The following NFIB variants were observed in gnomAD, a reference collection of about 807,000 sequenced individuals.
The protein encoded by NFIB is nuclear factor 1 B-type.
NFIB carries 11 observed loss-of-function variants against 61.5 expected under a neutral mutation model. The observed-to-expected ratio is 0.18, with a 90% confidence interval of 0.11 to 0.30. The LOEUF is 0.30. NFIB is among the 10% of genes least tolerant of loss of function. The pLI is 1.00. For synonymous variants in NFIB, 260 were observed against 216.5 expected (o/e 1.20, Z -1.76); for missense variants, 471 against 608.9 (o/e 0.77, Z 2.38).
At chr9:14,172,511 T>A (rs1587291708) in intron 3 of NFIB, among the ~76,000 whole-genome samples, 1 of 152,180 alleles carries the variant, frequency 6.6e-6, no homozygotes, top group African/African-American at 2.4e-5. Flanking sequence ...AAAAAAGTAA[T>A]CTCTAAAGAT....
intron 1 of NFIB, among the ~76,000 whole-genome samples, chr9:14,355,559 C>A (rs570422146): frequency 4.6e-5 from 7 of 152,322 alleles, no homozygotes; most frequent in African/African-American, 1.7e-4. Context: ...TTTGAAGAAT[C>A]TTTTGCTTTT....
At chr9:14,231,147 T>A (rs1211062316) in intron 2 of NFIB, among the ~76,000 whole-genome samples, 9 of 135,616 alleles carry the variant, frequency 6.6e-5, no homozygotes, top group African/African-American at 1.7e-4. Flanking sequence ...TATATATATA[T>A]ATATATATAT....
chr9:14,283,807 C>A (rs556105409), intron 2 of NFIB, among the ~76,000 whole-genome samples: 1 of 152,324 alleles, frequency 6.6e-6, no homozygotes, highest in Non-Finnish European at 1.5e-5. Context: ...GTAGGACAAA[C>A]AGATGCACAT....
the NFIB span, among the ~76,000 whole-genome samples, chr9:14,524,518 C>T: frequency 6.6e-6 from 1 of 152,060 alleles, no homozygotes; most frequent in Non-Finnish European, 1.5e-5. Context: ...TTTTGTGGTA[C>T]AAGCTAAGGT....
At chr9:14,255,242 G>A (rs2132173149) in intron 2 of NFIB, among the ~76,000 whole-genome samples, 1 of 152,116 alleles carries the variant, frequency 6.6e-6, no homozygotes, top group South Asian at 2.1e-4. Flanking sequence ...AAGAAAGAAA[G>A]AAAAAAGAAA....
At chr9:14,265,880 G>T (rs2057159127) in intron 2 of NFIB, among the ~76,000 whole-genome samples, 1 of 152,176 alleles carries the variant, frequency 6.6e-6, no homozygotes, top group South Asian at 2.1e-4. Flanking sequence ...GAAGTAGAAA[G>T]TACTACAAGA....
Position 14,146,715 on chromosome 9 carries a change from C to T in NFIB, c.899G>A (p.Ser300Asn), listed in dbSNP as rs144909299. The T allele has an allele frequency of 4.0e-4, 647 of 1,612,720 alleles. No homozygotes were observed. The highest frequency in any genetic ancestry group is 5.1e-4 in the Non-Finnish European group (597 of 1,179,490). Residue 300 changes from serine to asparagine, a missense_variant, in exon 6 of 11, where the codon AGT becomes AAT. This residue lies in a region of NFIB where 372 missense variants were observed against 395.6 expected (regional missense o/e 0.94). Transcript: ENST00000380953. ...YPSPSSPAAG[S>N]RTWHERDQDM... ...TTGATCTCTTTCGTGCCATGTTCGA[C>T]TTCCAGCAGCTGGTGAACTTGGAGA...
the NFIB span, among the ~76,000 whole-genome samples, chr9:14,492,179 C>T: frequency 2.0e-5 from 3 of 151,946 alleles, no homozygotes; most frequent in African/African-American, 7.3e-5. Flanking sequence ...CTGGATAACA[C>T]AGTGAAACCC....
intron 6 of NFIB, among the ~76,000 whole-genome samples, chr9:14,134,814 C>T (rs528923431): frequency 1.4e-5 from 2 of 144,608 alleles, no homozygotes; most frequent in East Asian, 4.5e-4. Context: ...GGAAGAGTTG[C>T]TTGAACCAGG....
intron 2 of NFIB, among the ~76,000 whole-genome samples, chr9:14,231,120 GAA>G (rs1188458970): frequency 6.7e-4 from 44 of 65,794 alleles, no homozygotes; most frequent in African/African-American, 1.3e-3. Flanking sequence ...TTTCCATGGG[GAA>G]AAAAAAAAAA....
At chr9:14,458,343 A>G in the NFIB span, among the ~76,000 whole-genome samples, 1 of 152,220 alleles carries the variant, frequency 6.6e-6, no homozygotes, top group Non-Finnish European at 1.5e-5. Flanking sequence ...CTCTCAATAA[A>G]TTAGGTATTG....
At chr9:14,284,544 T>C (rs1217811151) in intron 2 of NFIB, among the ~76,000 whole-genome samples, 1 of 152,172 alleles carries the variant, frequency 6.6e-6, no homozygotes, top group African/African-American at 2.4e-5. Context: ...AATTCAAAAG[T>C]TTTTGAATTA....
intron 6 of NFIB, among the ~76,000 whole-genome samples, chr9:14,140,168 G>A (rs1051229999): frequency 6.6e-6 from 1 of 151,962 alleles, no homozygotes; most frequent in African/African-American, 2.4e-5. Flanking sequence ...TGTTCTATTT[G>A]GTCCCCAAAG....
rs1253170447 is a variant in NFIB at position 14,222,806 on chromosome 9, A to AAAAAAAGAAAG, written c.563-43027_563-43026insCTTTCTTTTTT. Among the ~76,000 whole-genome samples the AAAAAAAGAAAG allele has an allele frequency of 1.5e-4, 22 of 150,626 alleles. 1 individual carries two copies. The South Asian group carries it at 4.4e-3, about 30-fold the overall frequency. The stretch of plus-strand genomic sequence containing the variant: ...GTAAGATCCTGTCTCAAAAAAAAAA[A>AAAAAAAGAAAG]AAAGAAAGAAAGAAAAGAAAAAGAA... On this transcript the variant is annotated intron_variant, in intron 2 of 10. Coordinates refer to ENST00000380953, the MANE Select transcript of NFIB (RefSeq NM_001190737.2).
chr9:14,143,991 A>AGTGTGT (rs141101627), intron 6 of NFIB, among the ~76,000 whole-genome samples: 13,859 of 134,068 alleles, frequency 0.1, 789 homozygotes, highest in Non-Finnish European at 0.12. Flanking sequence ...AAAGTGACAG[A>AGTGTGT]GTGTGTGTGT....
intron 10 of NFIB, 67 bp downstream of exon 10, chr9:14,112,932 G>C: frequency 6.8e-7 from 1 of 1,462,238 alleles, no homozygotes; most frequent in Non-Finnish European, 9.3e-7. Context: ...GGATCTGAGA[G>C]GCAACATGGA....
intron 3 of NFIB, among the ~76,000 whole-genome samples, chr9:14,160,841 AAAAAAAAAAACAG>A (rs1210310404): frequency 1.3e-5 from 2 of 149,916 alleles, no homozygotes; most frequent in East Asian, 4.0e-4. Flanking sequence ...CAAAAAAAAA[AAAAAAAAAAACAG>A]AAAAAAAGAA....
chr9:14,357,617 A>G (rs2061191580), intron 1 of NFIB: 2 of 152,222 alleles, frequency 1.3e-5, no homozygotes, highest in African/African-American at 4.8e-5. Flanking sequence ...CATGTGGAAA[A>G]TAAGAACACT....
chr9:14,171,930 A>T (rs2045606110), intron 3 of NFIB, among the ~76,000 whole-genome samples: 1 of 152,210 alleles, frequency 6.6e-6, no homozygotes, highest in Admixed American at 6.5e-5. Context: ...TAAAGACAAA[A>T]ATCTGATTAA....
Sources: gnomAD v4.1 joint callset for allele counts (sites outside exome capture counted in the v4.1 genomes callset) on GRCh38, gnomAD v4.1.1 for gene constraint, gnomAD v4.1.1 regional missense constraint, MANE v1.5 for transcripts, NCBI Gene and HGNC (gene_info 2026-07-23, HGNC 2026-07-21) for gene names.